XRN2: variants seen among roughly 807,000 people sequenced by gnomAD.
The protein encoded by XRN2 is DHM1-like protein.
Under a neutral mutation model 138.5 loss-of-function variants are expected in XRN2, and 44 were observed. That is an observed-to-expected ratio of 0.32 (90% CI 0.25 to 0.41). The LOEUF (loss-of-function observed/expected upper bound fraction) is 0.41, where lower values mean the gene tolerates loss of function less well. XRN2 is among the 10% of genes least tolerant of loss of function. XRN2 has a pLI of 1.00. For synonymous variants in XRN2, 354 were observed against 369.4 expected (o/e 0.96, Z 0.48); for missense variants, 937 against 1,169.3 (o/e 0.80, Z 2.90).
intron 21 of XRN2, 93 bp from the exon 22 acceptor site, chr20:21,355,987 C>T: frequency 1.3e-6 from 1 of 790,304 alleles, no homozygotes; most frequent in African/African-American, 1.8e-5. Flanking sequence ...GTTCTTAACA[C>T]TTAGATGCTT....
In XRN2 at chr20:21,363,808, A is replaced by G. The variant is rs576926003; in HGVS notation, c.2256-1613A>G. 4.6e-5 allele frequency among the ~76,000 whole-genome samples: 7 copies of G among 152,346 alleles called. No homozygotes were observed. In the East Asian group the frequency reaches 1.3e-3, roughly 29 times the overall value. On this transcript the variant is annotated intron_variant, in intron 24 of 29. Transcript: ENST00000377191. Reference sequence around the variant, plus strand: ...AAGTGTAATCATTGGAGGAATTTTGAAAAATATGTTAAAGGAAACAAGTTA... The same window carrying G: ...AAGTGTAATCATTGGAGGAATTTTGGAAAATATGTTAAAGGAAACAAGTTA...
At chr20:21,385,588 T>C (rs928639583) in intron 28 of XRN2, among the ~76,000 whole-genome samples, 1 of 152,236 alleles carries the variant, frequency 6.6e-6, no homozygotes, top group African/African-American at 2.4e-5. Context: ...AGAAAAACTT[T>C]AGCCTTTCTA....
chr20:21,349,310 G>A, intron 19 of XRN2, 79 bp from the exon 20 acceptor site: 1 of 993,692 alleles, frequency 1.0e-6, no homozygotes, highest in Non-Finnish European at 1.6e-6. Flanking sequence ...CTTATAACTT[G>A]AATGAAAGTC....
In XRN2 at chr20:21,333,612, T is replaced by C. The variant is rs751988460; in HGVS notation, c.927T>C (p.Leu309=). The C allele has an allele frequency of 1.1e-5, 17 of 1,613,638 alleles. No individual in the cohort carries two copies. In the South Asian group the frequency reaches 1.2e-4, roughly 11 times the overall value. Residue 309 remains leucine, a synonymous_variant, in exon 10 of 30, where the codon CTT becomes CTC. Transcript: ENST00000377191. ...GEFIFLRLNV[L]REYLERELTM... ...TTATCTTCCTTCGGCTTAATGTTCT[T>C]CGTGAGGTATGTAGCAATAATCATT...
At position 21,320,440 on chromosome 20, in the gene XRN2, C is replaced by T. The variant is rs548611047; in HGVS notation, c.76-5839C>T. 2.9e-3 allele frequency among the ~76,000 whole-genome samples: 446 copies of T among 151,854 alleles called. 7 individuals carry two copies. Among genetic ancestry groups the T allele is most frequent in the South Asian group, 0.019 (91 of 4,796 alleles). On this transcript the variant is annotated intron_variant, in intron 1 of 29. Coordinates refer to ENST00000377191, the MANE Select transcript of XRN2 (RefSeq NM_012255.5). Reference sequence around the variant, plus strand: ...TCAGCCTCCTGAGTAGCTGGCACTACGGGCGCCTGCCACCACATCCGGCTA... The same window carrying T: ...TCAGCCTCCTGAGTAGCTGGCACTATGGGCGCCTGCCACCACATCCGGCTA...
At chr20:21,378,022 C>G (rs1330855222) in intron 27 of XRN2, among the ~76,000 whole-genome samples, 1 of 152,136 alleles carries the variant, frequency 6.6e-6, no homozygotes. Context: ...ACCGCTGATA[C>G]TGATTTTTAT....
chr20:21,338,675 T>A (rs1389405572), intron 13 of XRN2, among the ~76,000 whole-genome samples: 1 of 152,172 alleles, frequency 6.6e-6, no homozygotes, highest in Non-Finnish European at 1.5e-5. Flanking sequence ...TTAAGAATTG[T>A]TGAGTTGTTT....
rs773070666 is a variant in XRN2, at chr20:21,331,549, A to AT, written c.577-5dup. ...TGGGGATAATCTGAAAGTGTTAACAATTTTTTTATAGGTTATTTTATCTGA... is the reference window on the plus strand; with the variant it reads ...TGGGGATAATCTGAAAGTGTTAACAATTTTTTTTATAGGTTATTTTATCTGA... On this transcript the variant is annotated splice_polypyrimidine_tract_variant and intron_variant, in intron 6 of 29. Coordinates refer to ENST00000377191, the MANE Select transcript of XRN2 (RefSeq NM_012255.5). 3 of 1,605,756 alleles carry AT rather than the reference A, an allele frequency of 1.9e-6. No homozygotes were observed. Among genetic ancestry groups the AT allele is most frequent in the Non-Finnish European group, 1.7e-6 (2 of 1,176,794 alleles).
chr20:21,323,283 T>A (rs191680752), intron 1 of XRN2, among the ~76,000 whole-genome samples: 1 of 152,376 alleles, frequency 6.6e-6, no homozygotes, highest in East Asian at 1.9e-4. Flanking sequence ...GCCGTAGTTA[T>A]ACAGTAGATT....
chr20:21,357,646 A>G (rs1411801772), intron 23 of XRN2, 90 bp from the exon 24 acceptor site: 1 of 1,052,164 alleles, frequency 9.5e-7, no homozygotes, highest in Non-Finnish European at 1.3e-6. Context: ...TATCTTTTCT[A>G]AAGACTAACA....
chr20:21,321,301 CTGTGTGTGTGTG>C (rs61188840), intron 1 of XRN2, among the ~76,000 whole-genome samples: 275 of 121,510 alleles, frequency 2.3e-3, no homozygotes, highest in African/African-American at 4.9e-3. Flanking sequence ...CTGTGCCTGG[CTGTGTGTGTGTG>C]TGTGTGTGTG....
intron 1 of XRN2, among the ~76,000 whole-genome samples, chr20:21,311,258 C>T (rs577418745): frequency 8.5e-5 from 13 of 152,318 alleles, no homozygotes; most frequent in African/African-American, 2.9e-4. Context: ...AACAGTAACT[C>T]CTTGTCCCCC....
At chr20:21,320,987 T>C (rs1320327966) in intron 1 of XRN2, among the ~76,000 whole-genome samples, 4 of 152,114 alleles carry the variant, frequency 2.6e-5, no homozygotes, top group African/African-American at 7.2e-5. Flanking sequence ...TCCTCCCAGT[T>C]GCTCTTCACC....
chr20:21,350,525 CAAAAAAAAAAAAA>C (rs11484426), intron 20 of XRN2, among the ~76,000 whole-genome samples: 8 of 58,936 alleles, frequency 1.4e-4, no homozygotes, highest in African/African-American at 2.8e-4. Context: ...GACTCCGTCT[CAAAAAAAAAAAAA>C]AAAAAAAAAA....
In XRN2 at chr20:21,341,778, T is replaced by C. The variant is rs373747670; in HGVS notation, c.1410+926T>C. 5.3e-5 allele frequency among the ~76,000 whole-genome samples: 8 copies of C among 152,364 alleles called. 1 individual carries two copies. The highest frequency in any genetic ancestry group is 1.9e-4 in the East Asian group (1 of 5,192). On this transcript the variant is annotated intron_variant, in intron 15 of 29. Coordinates refer to ENST00000377191, the MANE Select transcript of XRN2 (RefSeq NM_012255.5). ...AGCTGATGCCCATCATTCAAGATTTTAGTGACTACCATCCCCGCAGAGCAG... is the reference window on the plus strand; with the variant it reads ...AGCTGATGCCCATCATTCAAGATTTCAGTGACTACCATCCCCGCAGAGCAG...
chr20:21,386,059 T>G (rs1215342522), intron 28 of XRN2, among the ~76,000 whole-genome samples: 1 of 152,228 alleles, frequency 6.6e-6, no homozygotes, highest in African/African-American at 2.4e-5. Flanking sequence ...CTACATTGTT[T>G]ATGTGACAGT....
chr20:21,324,738 A>G (rs566925918), intron 1 of XRN2, among the ~76,000 whole-genome samples: 19 of 152,292 alleles, frequency 1.2e-4, no homozygotes, highest in African/African-American at 3.8e-4. Context: ...GCCTCAAGCA[A>G]TCCTCTCACC....
At chr20:21,341,152 T>C (rs1408834227) in intron 15 of XRN2, among the ~76,000 whole-genome samples, 1 of 152,176 alleles carries the variant, frequency 6.6e-6, no homozygotes, top group Admixed American at 6.5e-5. Context: ...CTGCAGTGTT[T>C]TTGTAATGCA....
chr20:21,318,750 G>A (rs917032907), intron 1 of XRN2, among the ~76,000 whole-genome samples: 1 of 151,696 alleles, frequency 6.6e-6, no homozygotes, highest in African/African-American at 2.4e-5. Context: ...CCACATATTT[G>A]TGAATTTGCC....
Sources: allele counts gnomAD v4.1 joint callset (sites outside exome capture counted in the v4.1 genomes callset), GRCh38; gene constraint gnomAD v4.1.1; transcripts MANE v1.5; gene names NCBI Gene and HGNC (gene_info 2026-07-23, HGNC 2026-07-21).